WWP2: variants seen among roughly 807,000 people sequenced by gnomAD.
WWP2 encodes NEDD4-like E3 ubiquitin-protein ligase WWP2.
WWP2 carries 57 observed loss-of-function variants against 121.0 expected under a neutral mutation model. The ratio of observed to expected loss-of-function variants is 0.47; its 90% CI spans 0.38 to 0.59. The LOEUF is 0.59. WWP2 is among the 20% of genes least tolerant of loss of function. WWP2 has a pLI of 0.00. For synonymous variants in WWP2, 449 were observed against 441.3 expected, an observed-to-expected ratio of 1.02 and a Z score of -0.22; for missense variants, 962 against 1,158.9, an observed-to-expected ratio of 0.83 and a Z score of 2.47.
intron 4 of WWP2, among the ~76,000 whole-genome samples, chr16:69,812,898 T>A (rs2056421594): frequency 6.6e-6 from 1 of 152,150 alleles, no homozygotes; most frequent in South Asian, 2.1e-4. Flanking sequence ...GTATTATAAT[T>A]TACGGGGAGG....
intron 4 of WWP2, among the ~76,000 whole-genome samples, chr16:69,823,900 G>T (rs989740088): frequency 6.6e-6 from 1 of 152,198 alleles, no homozygotes; most frequent in Non-Finnish European, 1.5e-5. Context: ...TGGCACAGGG[G>T]CGTTGGGCCA....
At chr16:69,898,027 C>CTTTTT (rs369977148) in intron 8 of WWP2, among the ~76,000 whole-genome samples, 50 of 128,126 alleles carry the variant, frequency 3.9e-4, no homozygotes, top group South Asian at 1.0e-3. Context: ...TTCTTTCTTT[C>CTTTTT]TTTTTTTTTT....
At position 69,930,269 on chromosome 16, in the gene WWP2, T is replaced by C; in HGVS notation, c.1445+11T>C. 6.2e-7 allele frequency: 1 copy of C among 1,613,308 alleles called. No individual in the cohort carries two copies. Among genetic ancestry groups the C allele is most frequent in the Non-Finnish European group, 8.5e-7 (1 of 1,179,604 alleles). On this transcript the variant is annotated intron_variant, in intron 13 of 23. Coordinates refer to ENST00000359154, the MANE Select transcript of WWP2 (RefSeq NM_001270454.2). ...GGGGTTTGAGTCGGGGTAAGGACTT[T>C]GTGCAGGTAGCAGCAGTGTCAGGAG...
At chr16:69,889,359 TGGATG>T (rs2151940045) in intron 8 of WWP2, among the ~76,000 whole-genome samples, 2 of 152,230 alleles carry the variant, frequency 1.3e-5, no homozygotes, top group African/African-American at 4.8e-5. Flanking sequence ...GCAAAGACCT[TGGATG>T]ATAAGAAGAC....
chr16:69,926,605 A>G (rs1476042591), intron 11 of WWP2, among the ~76,000 whole-genome samples: 4 of 152,156 alleles, frequency 2.6e-5, no homozygotes, highest in African/African-American at 9.7e-5. Flanking sequence ...CACTTAGTCA[A>G]TGAGCACTGC....
At chr16:69,916,901 C>T (rs775385150) in intron 9 of WWP2, among the ~76,000 whole-genome samples, 6 of 152,186 alleles carry the variant, frequency 3.9e-5, no homozygotes, top group Admixed American at 6.5e-5. Context: ...CAGTGGCTCA[C>T]GCCTGTAATC....
At chr16:69,892,046 G>A (rs1401034482) in intron 8 of WWP2, among the ~76,000 whole-genome samples, 2 of 152,104 alleles carry the variant, frequency 1.3e-5, no homozygotes, top group Non-Finnish European at 2.9e-5. Context: ...GTGCCATACG[G>A]GCAGGGATTG....
chr16:69,801,841 T>A (rs1430101722), intron 4 of WWP2, among the ~76,000 whole-genome samples: 1 of 152,186 alleles, frequency 6.6e-6, no homozygotes, highest in African/African-American at 2.4e-5. Context: ...ATGACATCAA[T>A]GAAACTAAAT....
chr16:69,764,380 C>T (rs1329816936), intron 1 of WWP2, among the ~76,000 whole-genome samples: 1 of 151,932 alleles, frequency 6.6e-6, no homozygotes, highest in Non-Finnish European at 1.5e-5. Context: ...TTTGTAGAGA[C>T]AGGGGTTTTG....
chr16:69,899,743 A>AAG (rs1324245455), intron 8 of WWP2, among the ~76,000 whole-genome samples: 4 of 151,670 alleles, frequency 2.6e-5, no homozygotes, highest in Admixed American at 1.3e-4. Flanking sequence ...AAAAAAAAAA[A>AAG]AAAAAAAATC....
At chr16:69,914,279 C>G (rs2058446875) in intron 9 of WWP2, among the ~76,000 whole-genome samples, 1 of 151,880 alleles carries the variant, frequency 6.6e-6, no homozygotes. Flanking sequence ...AAACAGCTCA[C>G]CACACGCCTA....
At chr16:69,805,802 G>A (rs1002628580) in intron 4 of WWP2, among the ~76,000 whole-genome samples, 4 of 148,842 alleles carry the variant, frequency 2.7e-5, no homozygotes, top group Non-Finnish European at 5.9e-5. Flanking sequence ...TTTAGAGATG[G>A]TATCTCACTA....
In WWP2 at chr16:69,917,782, C is replaced by T. The variant is rs371532664; in HGVS notation, c.1078C>T (p.Arg360Cys). ...CAATACTCGGACCACCACCTGGCAG[C>T]GTCCGACCGCGGAGTACGTGCGCAA... ...DHNTRTTTWQ[R>C]PTAEYVRNYE... The change falls in exon 10 of 24, where the codon CGT (arginine) becomes TGT (cysteine). Residue 360 changes from arginine to cysteine, a missense_variant. Transcript: ENST00000359154. 3.7e-6 allele frequency: 6 copies of T among 1,613,932 alleles called. No homozygotes were observed. Among genetic ancestry groups the T allele is most frequent in the South Asian group, 1.1e-5 (1 of 91,080 alleles).
At position 69,888,140 on chromosome 16, in the gene WWP2, A is replaced by G; in HGVS notation, c.805A>G (p.Thr269Ala). ...APLSVTPNPN[T>A]TSLPAPATPA... ...CTTGAGTGTGACCCCGAATCCCAACACGACTTCTCTCCCTGCCCCAGCCAC... is the reference window on the plus strand; with the variant it reads ...CTTGAGTGTGACCCCGAATCCCAACGCGACTTCTCTCCCTGCCCCAGCCAC... The change falls in exon 8 of 24, where the codon ACG (threonine) becomes GCG (alanine). Residue 269 changes from threonine (T) to alanine (A), a missense_variant. Physicochemically the swap from Thr to Ala is moderately conservative, Grantham distance 58. Transcript: ENST00000359154. The G allele has an allele frequency of 1.2e-6, 2 of 1,614,188 alleles. No individual in the cohort carries two copies. Among genetic ancestry groups the G allele is most frequent in the Middle Eastern group, 1.6e-4 (1 of 6,062 alleles).
chr16:69,887,932 T>A, intron 7 of WWP2, 107 bp from the exon 8 acceptor site: 1 of 1,328,668 alleles, frequency 7.5e-7, no homozygotes, highest in Non-Finnish European at 1.0e-6. Flanking sequence ...ATACATGTAG[T>A]GTAACATTGT....
chr16:69,936,672 T>C (rs1410596662), intron 19 of WWP2: 4 of 614,456 alleles, frequency 6.5e-6, no homozygotes, highest in South Asian at 2.0e-5. Flanking sequence ...TTTTTCGCCA[T>C]GTGGGAGACT....
At chr16:69,886,612 T>C (rs938510695) in intron 7 of WWP2, among the ~76,000 whole-genome samples, 5 of 152,120 alleles carry the variant, frequency 3.3e-5, no homozygotes, top group South Asian at 4.1e-4. Flanking sequence ...ATACAAAAAT[T>C]AGCTGGGTGT....
intron 9 of WWP2, among the ~76,000 whole-genome samples, chr16:69,915,061 A>G (rs1352625256): frequency 6.6e-6 from 1 of 152,182 alleles, no homozygotes; most frequent in Non-Finnish European, 1.5e-5. Flanking sequence ...TGAGATGGAC[A>G]CACAACTGTC....
At chr16:69,881,695 A>T (rs879938565) in intron 7 of WWP2, among the ~76,000 whole-genome samples, 9 of 152,218 alleles carry the variant, frequency 5.9e-5, no homozygotes, top group South Asian at 4.1e-4. Flanking sequence ...TAAATTTTTT[A>T]AATTTTTTAT....
Sources: allele counts gnomAD v4.1 joint callset (sites outside exome capture counted in the v4.1 genomes callset), GRCh38; gene constraint gnomAD v4.1.1; transcripts MANE v1.5; gene names NCBI Gene and HGNC (gene_info 2026-07-23, HGNC 2026-07-21).